The following SLC4A10 variants were observed in gnomAD, a reference collection of about 807,000 sequenced individuals.
SLC4A10 encodes the protein solute carrier family 4 member 10, also known as sodium-driven chloride bicarbonate exchanger.
In SLC4A10, 42 loss-of-function variants were observed where a neutral mutation model predicts 137.7. The ratio of observed to expected loss-of-function variants is 0.30; its 90% CI spans 0.24 to 0.39. The LOEUF (loss-of-function observed/expected upper bound fraction) is 0.39. Ranked by LOEUF, SLC4A10 falls within the 10% of genes least tolerant of loss-of-function variation. The probability of loss-of-function intolerance (pLI) is 1.00; values close to 1 mark genes in which losing one functional copy is unlikely to be tolerated. For missense variants in SLC4A10, 925 were observed against 1,355.0 expected (o/e 0.68, Z 4.98); for synonymous variants, 474 against 464.1 (o/e 1.02, Z -0.27).
At chr2:161,698,994 T>C (rs184346389) in intron 1 of SLC4A10, among the ~76,000 whole-genome samples, 21 of 152,258 alleles carry the variant, frequency 1.4e-4, no homozygotes, top group African/African-American at 4.6e-4. Context: ...GAGCCTGTTA[T>C]TGGTCCATTC....
intron 15 of SLC4A10, among the ~76,000 whole-genome samples, chr2:161,929,004 G>T (rs1190223762): frequency 1.3e-5 from 2 of 151,728 alleles, no homozygotes; most frequent in African/African-American, 4.8e-5. Context: ...TTATATTTTT[G>T]TTTCTTATGT....
intron 16 of SLC4A10, among the ~76,000 whole-genome samples, chr2:161,945,187 T>C (rs1269016060): frequency 3.1e-3 from 11 of 3,536 alleles, no homozygotes; most frequent in African/African-American, 6.2e-3. Context: ...TGTGTGTATA[T>C]ATATATATAT....
intron 4 of SLC4A10, among the ~76,000 whole-genome samples, chr2:161,853,047 G>A (rs1402383774): frequency 6.6e-6 from 1 of 152,106 alleles, no homozygotes; most frequent in African/African-American, 2.4e-5. Flanking sequence ...ATCATAATGT[G>A]ACTATGGCCT....
intron 12 of SLC4A10, 104 bp from the exon 13 acceptor site, chr2:161,903,900 G>A (rs1683709075): frequency 1.7e-6 from 2 of 1,176,928 alleles, no homozygotes; most frequent in Admixed American, 2.7e-5. Context: ...CACCTCTGCT[G>A]ATGGAAAACG....
At chr2:161,624,649 C>A in intron 1 of SLC4A10, 83 bp downstream of exon 1, 2 of 1,538,420 alleles carry the variant, frequency 1.3e-6, no homozygotes, top group East Asian at 2.5e-5. Context: ...CTAGGTGCAG[C>A]GAGTGTACTT....
At chr2:161,770,340 G>A (rs920462878) in intron 1 of SLC4A10, among the ~76,000 whole-genome samples, 7 of 151,858 alleles carry the variant, frequency 4.6e-5, no homozygotes, top group Non-Finnish European at 8.8e-5. Context: ...TTAGTACTCA[G>A]AAGACATAGT....
intron 4 of SLC4A10, among the ~76,000 whole-genome samples, chr2:161,840,782 A>G (rs2059130888): frequency 6.6e-6 from 1 of 152,236 alleles, no homozygotes; most frequent in South Asian, 2.1e-4. Context: ...TGTGACTACC[A>G]ATCACCTGGA....
At chr2:161,825,852 A>T (rs1299663359) in intron 3 of SLC4A10, among the ~76,000 whole-genome samples, 6 of 152,166 alleles carry the variant, frequency 3.9e-5, no homozygotes, top group Admixed American at 3.9e-4. Flanking sequence ...GTTTCATCTC[A>T]TGATCCTTTA....
At chr2:161,762,504 C>G (rs1233816311) in intron 1 of SLC4A10, among the ~76,000 whole-genome samples, 1 of 151,922 alleles carries the variant, frequency 6.6e-6, no homozygotes, top group Non-Finnish European at 1.5e-5. Flanking sequence ...ACTTTAACTT[C>G]CATGGTAATG....
intron 5 of SLC4A10, among the ~76,000 whole-genome samples, chr2:161,862,029 T>C (rs1239087314): frequency 6.6e-6 from 1 of 152,204 alleles, no homozygotes; most frequent in Non-Finnish European, 1.5e-5. Context: ...TGTTTGATAA[T>C]CAGAAAGCAG....
intron 1 of SLC4A10, among the ~76,000 whole-genome samples, chr2:161,686,143 A>G (rs1293508307): frequency 6.6e-6 from 1 of 152,210 alleles, no homozygotes; most frequent in Non-Finnish European, 1.5e-5. Flanking sequence ...AAATTTGGAA[A>G]AAGATTTGTA....
At position 161,985,165 on chromosome 2, in the gene SLC4A10, C is replaced by T. The variant is rs565605921; in HGVS notation, c.*2013C>T. 1 of 151,910 alleles carries T rather than the reference C, an allele frequency of 6.6e-6. No individual in the cohort carries two copies. Among genetic ancestry groups the T allele is most frequent in the Non-Finnish European group, 1.5e-5 (1 of 67,896 alleles). 9.4% of individuals were successfully genotyped at this position (151,910 alleles called of 1,614,324 possible). A position where few individuals can be genotyped will look rare whatever the true frequency, so the allele number is the denominator to read the frequency against. On this transcript the variant is annotated 3_prime_UTR_variant, in exon 27 of 27. Transcript: ENST00000446997. ...TAAATATCTTGAATGTAATTTAGTG[C>T]CAAGTTTAAATAATGTGTAAATGTG... is the stretch of plus-strand genomic sequence containing the variant.
chr2:161,964,427 T>C lies in SLC4A10; in HGVS notation c.3036+119T>C, dbSNP rs1297512901. ...CATTTTGAACAATTATTGGAAAATA[T>C]AAGTTTTGGCACTGAAAGTGTGACT... is the stretch of plus-strand genomic sequence containing the variant. On this transcript the variant is annotated intron_variant, in intron 22 of 26. Transcript: ENST00000446997. The C allele has an allele frequency of 5.3e-6, 6 of 1,133,724 alleles. No individual in the cohort carries two copies. The Admixed American group carries it at 1.3e-4, about 24-fold the overall frequency. 70.2% of individuals were successfully genotyped at this position (1,133,724 alleles called of 1,614,324 possible). A position where few individuals can be genotyped will look rare whatever the true frequency, so the allele number is the denominator to read the frequency against.
intron 16 of SLC4A10, among the ~76,000 whole-genome samples, chr2:161,946,431 G>A (rs556004575): frequency 6.6e-6 from 1 of 151,878 alleles, no homozygotes; most frequent in African/African-American, 2.4e-5. Flanking sequence ...AAGATTTCAG[G>A]CCTAAAGTTG....
At position 161,715,666 on chromosome 2, in the gene SLC4A10, T is replaced by C. The variant is rs1228055708; in HGVS notation, c.49-55307T>C. 2.0e-4 allele frequency among the ~76,000 whole-genome samples: 30 copies of C among 152,238 alleles called. 1 individual carries two copies. The highest frequency in any genetic ancestry group is 1.5e-5 in the Non-Finnish European group (1 of 68,002). ...TCCATCCATATCCCTGTAAAAGACA[T>C]GATCTAATTCCTTTCTATGGCCACA... is the stretch of plus-strand genomic sequence containing the variant. On this transcript the variant is annotated intron_variant, in intron 1 of 26. Coordinates refer to ENST00000446997, the MANE Select transcript of SLC4A10 (RefSeq NM_001178015.2).
chr2:161,844,553 T>C (rs2059379854), intron 4 of SLC4A10, among the ~76,000 whole-genome samples: 1 of 152,146 alleles, frequency 6.6e-6, no homozygotes, highest in Non-Finnish European at 1.5e-5. Context: ...TTGGATGATA[T>C]AATAACTCCT....
At chr2:161,676,387 T>C (rs1574281955) in intron 1 of SLC4A10, among the ~76,000 whole-genome samples, 1 of 152,308 alleles carries the variant, frequency 6.6e-6, no homozygotes, top group East Asian at 1.9e-4. Context: ...TTATTGCCTA[T>C]TTTTTGCTAG....
chr2:161,748,950 A>T (rs189487848), intron 1 of SLC4A10, among the ~76,000 whole-genome samples: 123 of 152,022 alleles, frequency 8.1e-4, no homozygotes, highest in African/African-American at 2.5e-3. Context: ...CTTCTTCAAT[A>T]TTTTTTTAAC....
At chr2:161,936,411 G>A (rs1006621472) in intron 15 of SLC4A10, among the ~76,000 whole-genome samples, 7 of 152,008 alleles carry the variant, frequency 4.6e-5, no homozygotes, top group Admixed American at 1.3e-4. Context: ...CCATCAGGTC[G>A]TGGGCTTTTC....
Sources: gnomAD v4.1 joint callset for allele counts (sites outside exome capture counted in the v4.1 genomes callset) on GRCh38, gnomAD v4.1.1 for gene constraint, MANE v1.5 for transcripts, NCBI Gene and HGNC (gene_info 2026-07-23, HGNC 2026-07-21) for gene names.